The following OTOG variants were observed in gnomAD, a reference collection of about 807,000 sequenced individuals.
OTOG encodes otogelin.
Under a neutral mutation model 313.8 loss-of-function variants are expected in OTOG, and 296 were observed. The ratio of observed to expected loss-of-function variants is 0.94; its 90% CI spans 0.86 to 1.04. OTOG has a LOEUF of 1.04. Among genes scored for constraint, OTOG ranks in the 50% least tolerant of loss-of-function variants. OTOG has a pLI of 0.00. For missense variants in OTOG, 3,948 were observed against 3,840.1 expected, an observed-to-expected ratio of 1.03 and a Z score of -0.74; for synonymous variants, 1,533 against 1,554.9, an observed-to-expected ratio of 0.99 and a Z score of 0.33.
rs1375206829 is a variant in OTOG, at chr11:17,569,162, G to A, written c.1651G>A (p.Asp551Asn). The change falls in exon 16 of 56, where the codon GAT (aspartate) becomes AAT (asparagine). Residue 551 changes from aspartate to asparagine, a missense_variant. Asp to Asn is a conservative substitution (Grantham distance 23, BLOSUM62 1). Coordinates refer to ENST00000399397, the MANE Select transcript of OTOG (RefSeq NM_001292063.2). Reference protein sequence around the residue: ...LQNAPCGLNQDGACVQSVSVI... With the variant: ...LQNAPCGLNQNGACVQSVSVI... ...GACCTTTCTATCTCTCCAGAACCAA[G>A]ATGGAGCCTGTGTCCAGTCAGTGTC... 2 of 1,550,668 alleles carry A rather than the reference G, an allele frequency of 1.3e-6. No individual in the cohort carries two copies. The highest frequency in any genetic ancestry group is 1.4e-5 in the African/African-American group (1 of 73,158).
intron 23 of OTOG, among the ~76,000 whole-genome samples, chr11:17,579,424 G>C (rs1425815460): frequency 2.6e-5 from 4 of 152,180 alleles, no homozygotes; most frequent in Admixed American, 1.3e-4. Context: ...TTTTGCAGGT[G>C]AAGAAACTGA....
intron 23 of OTOG, among the ~76,000 whole-genome samples, chr11:17,578,745 G>A (rs772563706): frequency 6.6e-6 from 1 of 152,062 alleles, no homozygotes; most frequent in Non-Finnish European, 1.5e-5. Context: ...AGCCCTGGCC[G>A]CTCATCTGTG....
At chr11:17,599,524 A>G (rs1459817292) in intron 30 of OTOG, 147 bp from the exon 31 acceptor site, 2 of 805,836 alleles carry the variant, frequency 2.5e-6, no homozygotes, top group African/African-American at 3.4e-5. Flanking sequence ...TGCATCCATG[A>G]CCATTCCCAA....
chr11:17,638,817 G>C, intron 48 of OTOG: 1 of 1,435,680 alleles, frequency 7.0e-7, no homozygotes, highest in Non-Finnish European at 9.3e-7. Context: ...CCTTACTGCG[G>C]CCGGGCACGG....
At chr11:17,598,392 CTTT>C (rs1333485115) in intron 30 of OTOG, among the ~76,000 whole-genome samples, 1 of 151,972 alleles carries the variant, frequency 6.6e-6, no homozygotes, top group Non-Finnish European at 1.5e-5. Context: ...ATGATCTTGT[CTTT>C]ATTTTTAAAT....
intron 24 of OTOG, among the ~76,000 whole-genome samples, chr11:17,589,382 A>G (rs190252114): frequency 9.1e-4 from 139 of 152,192 alleles, no homozygotes; most frequent in African/African-American, 3.3e-3. Context: ...TTCCCTGAGG[A>G]AATTAAAGCC....
chr11:17,599,905 C>G (rs535585555), intron 31 of OTOG, among the ~76,000 whole-genome samples: 217 of 152,276 alleles, frequency 1.4e-3, no homozygotes, highest in Non-Finnish European at 1.4e-3. Context: ...TTCCTGCAGC[C>G]CCTGTCCGGG....
At chr11:17,596,621 T>C (rs925631515) in intron 29 of OTOG, among the ~76,000 whole-genome samples, 10 of 152,168 alleles carry the variant, frequency 6.6e-5, no homozygotes, top group African/African-American at 2.4e-4. Context: ...GGCTCCTGGA[T>C]CAAACAGCCC....
intron 38 of OTOG, among the ~76,000 whole-genome samples, chr11:17,613,378 T>TTCCC (rs1554975628): frequency 5.3e-4 from 71 of 133,242 alleles, no homozygotes; most frequent in African/African-American, 1.9e-3. Context: ...CCTTCCCTCC[T>TTCCC]TCCTTCCTTC....
intron 24 of OTOG, among the ~76,000 whole-genome samples, chr11:17,588,413 G>A (rs967317826): frequency 2.6e-5 from 4 of 152,118 alleles, no homozygotes; most frequent in Admixed American, 1.3e-4. Context: ...TCTGTGTTCC[G>A]TGTCACCATG....
chr11:17,548,312 G>A (rs1320296603), intron 3 of OTOG, 100 bp downstream of exon 3: 1 of 1,048,168 alleles, frequency 9.5e-7, no homozygotes, highest in African/African-American at 1.6e-5. Flanking sequence ...AGGGGTCTCT[G>A]GAGTTGTTCA....
chr11:17,597,819 G>A (rs938861293), intron 30 of OTOG, among the ~76,000 whole-genome samples: 1 of 152,172 alleles, frequency 6.6e-6, no homozygotes, highest in African/African-American at 2.4e-5. Context: ...TGCGCTCTGG[G>A]GTCAGACTGA....
intron 39 of OTOG, among the ~76,000 whole-genome samples, chr11:17,622,606 GTTTGTCT>G (rs1853891376): frequency 6.6e-6 from 1 of 152,044 alleles, no homozygotes; most frequent in Non-Finnish European, 1.5e-5. Context: ...AACATGTTAG[GTTTGTCT>G]TTCTGTGCCT....
At chr11:17,553,018 C>A in intron 4 of OTOG, 101 bp from the exon 5 acceptor site, 1 of 1,045,850 alleles carries the variant, frequency 9.6e-7, no homozygotes, top group Non-Finnish European at 1.4e-6. Flanking sequence ...CTGGGGCTGC[C>A]TGTTATGGGG....
Position 17,640,965 on chromosome 11 carries a change from G to T in OTOG, c.8064G>T (p.Gln2688His). ...SRELGVMQPG[Q>H]TVVELSADGV... ...AGCTGGGTGTGATGCAGCCCGGCCA[G>T]ACAGTGGTGGAGCTCTCAGCAGATG... is the stretch of plus-strand genomic sequence containing the variant. Residue 2688 changes from glutamine to histidine, a missense_variant, in exon 51 of 56, where the codon CAG becomes CAT. Physicochemically the swap from Gln to His is conservative, Grantham distance 24 (BLOSUM62 0). Transcript: ENST00000399397. The T allele has an allele frequency of 6.5e-7, 1 of 1,548,474 alleles. No homozygotes were observed.
chr11:17,639,428 G>T lies in OTOG; in HGVS notation c.7900G>T (p.Asp2634Tyr). Residue 2634 changes from aspartate to tyrosine, a missense_variant, in exon 49 of 56, where the codon GAC (aspartate) becomes TAC (tyrosine). By Grantham distance (160) the Asp-to-Tyr change is radical. Coordinates refer to ENST00000399397, the MANE Select transcript of OTOG (RefSeq NM_001292063.2). ...RCCPYKSCEC[D>Y]CDTIPVPRCH... ...TGGCCCCTTGTGTTTTTCAGAATGT[G>T]ACTGTGACACAATCCCGGTGCCCCG... is the stretch of plus-strand genomic sequence containing the variant. 6.4e-7 allele frequency: 1 copy of T among 1,550,740 alleles called. No individual in the cohort carries two copies. The highest frequency in any genetic ancestry group is 8.7e-7 in the Non-Finnish European group (1 of 1,147,020).
intron 7 of OTOG, 26 bp from the exon 8 acceptor site, chr11:17,557,092 C>A: frequency 6.5e-7 from 1 of 1,545,892 alleles, no homozygotes; most frequent in Non-Finnish European, 8.7e-7. Context: ...TGTGGATACC[C>A]TGAAGCTCTG....
At chr11:17,601,600 G>A (rs1454113443) in intron 31 of OTOG, among the ~76,000 whole-genome samples, 3 of 142,596 alleles carry the variant, frequency 2.1e-5, no homozygotes, top group South Asian at 2.5e-4. Context: ...ACCAGGGGGC[G>A]TGGCTGGGAG....
rs774803882 is a variant in OTOG, at chr11:17,582,319, T to C, written c.2759+3793T>C. ...CCATATATATACAAACACACACACA[T>C]ACACACTCACAAACCATTTTGATCT... On this transcript the variant is annotated intron_variant, in intron 23 of 55. Coordinates refer to ENST00000399397, the MANE Select transcript of OTOG (RefSeq NM_001292063.2). 1.0e-3 allele frequency among the ~76,000 whole-genome samples: 156 copies of C among 152,224 alleles called. 1 individual carries two copies. The highest frequency in any genetic ancestry group is 6.8e-3 in the Middle Eastern group (2 of 294).
Sources: allele counts gnomAD v4.1 joint callset (sites outside exome capture counted in the v4.1 genomes callset), GRCh38; gene constraint gnomAD v4.1.1; transcripts MANE v1.5; gene names NCBI Gene and HGNC (gene_info 2026-07-23, HGNC 2026-07-21).